The following PLEKHG7 variants were observed in gnomAD, a reference collection of about 807,000 sequenced individuals.
PLEKHG7 encodes pleckstrin homology and RhoGEF domain containing G7, also known as pleckstrin homology domain-containing family G member 7.
In PLEKHG7, 77 loss-of-function variants were observed where a neutral mutation model predicts 85.2. The observed-to-expected ratio is 0.90, with a 90% CI of 0.75 to 1.09. The LOEUF (loss-of-function observed/expected upper bound fraction) is 1.09, where lower values mean the gene tolerates loss of function less well. Among genes scored for constraint, PLEKHG7 ranks in the 50% least tolerant of loss-of-function variants. PLEKHG7 has a pLI of 0.00. For missense variants in PLEKHG7, 777 were observed against 804.3 expected, an observed-to-expected ratio of 0.97 and a Z score of 0.41; for synonymous variants, 301 against 302.4, an observed-to-expected ratio of 1.00 and a Z score of 0.05.
rs749039854 is a variant in PLEKHG7 at position 92,770,221 on chromosome 12, T to C, written c.*26T>C. 1.4e-6 allele frequency: 2 copies of C among 1,464,280 alleles called. No homozygotes were observed. Among genetic ancestry groups the C allele is most frequent in the Non-Finnish European group, 1.9e-6 (2 of 1,054,714 alleles). The allele number at this position is 1,464,280 out of a possible 1,614,324, so 90.7% of individuals were successfully genotyped here. A position where few individuals can be genotyped will look rare whatever the true frequency, so the allele number is the denominator to read the frequency against. ...GGACCTAAAACAAGTGGCATGTCTT[T>C]TTAGAAGATTATGGTTTAAGGTATA... is the stretch of plus-strand genomic sequence containing the variant. On this transcript the variant is annotated 3_prime_UTR_variant, in exon 17 of 17. Transcript: ENST00000344636.
chr12:92,762,671 G>A (rs568101920), intron 14 of PLEKHG7, among the ~76,000 whole-genome samples: 16 of 152,276 alleles, frequency 1.1e-4, no homozygotes, highest in African/African-American at 3.9e-4. Flanking sequence ...TGCTCTAAGA[G>A]GTGGGAAGAG....
chr12:92,724,673 G>A (rs926485715), intron 3 of PLEKHG7, among the ~76,000 whole-genome samples: 20 of 152,178 alleles, frequency 1.3e-4, no homozygotes, highest in Non-Finnish European at 2.1e-4. Flanking sequence ...GATCTATTCC[G>A]AACAGCAAGA....
rs1006709135 is a variant in PLEKHG7 at position 92,769,029 on chromosome 12, T to C, written c.1917T>C (p.Tyr639=). 1.8e-5 allele frequency: 29 copies of C among 1,604,816 alleles called. No homozygotes were observed. Among genetic ancestry groups the C allele is most frequent in the Non-Finnish European group, 2.4e-5 (28 of 1,173,176 alleles). Residue 639 remains tyrosine (Y), a synonymous_variant, in exon 16 of 17, where the codon TAT becomes TAC. Coordinates refer to ENST00000344636, the MANE Select transcript of PLEKHG7 (RefSeq NM_001377329.1). ...TTCTTATACAACACGAAAACAGATATCGACAGTGTATAGCAGCATTCTTAT... is the reference window on the plus strand; with the variant it reads ...TTCTTATACAACACGAAAACAGATACCGACAGTGTATAGCAGCATTCTTAT... ...NAFLIQHENR[Y]RQCIAAFLLQ...
chr12:92,732,614 G>A (rs1291927508), intron 5 of PLEKHG7, among the ~76,000 whole-genome samples: 1 of 152,214 alleles, frequency 6.6e-6, no homozygotes, highest in Non-Finnish European at 1.5e-5. Flanking sequence ...GTATGCCCCA[G>A]TTTGCAGTTA....
chr12:92,754,997 A>T (rs1311260420), intron 11 of PLEKHG7, among the ~76,000 whole-genome samples: 1 of 152,192 alleles, frequency 6.6e-6, no homozygotes, highest in Non-Finnish European at 1.5e-5. Context: ...CTGTTTTTAA[A>T]TTTTTTATTC....
At position 92,729,419 on chromosome 12, in the gene PLEKHG7, C is replaced by A. The variant is rs981117202; in HGVS notation, c.658+299C>A. On this transcript the variant is annotated intron_variant, in intron 4 of 16. Transcript: ENST00000344636. ...CAAGACCTGAGACAGGTGCAGCATC[C>A]TAGATCAGAGTGCCCTCTCTAGGCT... Among the ~76,000 whole-genome samples, 10 of 148,884 alleles carry A rather than the reference C, an allele frequency of 6.7e-5. 1 individual carries two copies. Among genetic ancestry groups the A allele is most frequent in the Non-Finnish European group, 1.5e-4 (10 of 67,404 alleles).
intron 11 of PLEKHG7, 124 bp from the exon 12 acceptor site, chr12:92,755,701 T>C (rs1010943840): frequency 2.8e-6 from 2 of 717,100 alleles, no homozygotes. Flanking sequence ...TGAAATGAAC[T>C]TTATATATTG....
chr12:92,737,403 A>C lies in PLEKHG7; in HGVS notation c.821A>C (p.Glu274Ala). Residue 274 changes from glutamate to alanine, a missense_variant, in exon 7 of 17, where the codon GAA becomes GCA. Transcript: ENST00000344636. ...LKDKTWDEVL[E>A]THHKLPTDQL... ...GATAAGACCTGGGATGAAGTCTTGG[A>C]AACACATCACAAACTCCCGACCGAT... The C allele has an allele frequency of 6.5e-7, 1 of 1,542,714 alleles. No homozygotes were observed. Among genetic ancestry groups the C allele is most frequent in the Non-Finnish European group, 8.7e-7 (1 of 1,154,302 alleles).
chr12:92,737,278 G>T, intron 6 of PLEKHG7, 100 bp from the exon 7 acceptor site: 3 of 1,046,200 alleles, frequency 2.9e-6, no homozygotes, highest in Non-Finnish European at 3.7e-6. Context: ...TGATTTCGGG[G>T]GTTGCTTGGT....
chr12:92,741,024 G>A, intron 8 of PLEKHG7, 76 bp downstream of exon 8: 1 of 1,044,628 alleles, frequency 9.6e-7, no homozygotes, highest in Non-Finnish European at 1.5e-6. Flanking sequence ...CTGTTCTTAT[G>A]GCTTGTATGC....
chr12:92,716,227 G>C (rs1871489846), intron 3 of PLEKHG7, among the ~76,000 whole-genome samples: 1 of 152,040 alleles, frequency 6.6e-6, no homozygotes, highest in Non-Finnish European at 1.5e-5. Flanking sequence ...CTCCCGAGTA[G>C]GTGGGATTAC....
chr12:92,708,205 G>A (rs1871295288), intron 3 of PLEKHG7: 1 of 152,574 alleles, frequency 6.6e-6, no homozygotes, highest in African/African-American at 2.4e-5. Flanking sequence ...ATCTCTGACA[G>A]GGATGAAGAG....
intron 14 of PLEKHG7, among the ~76,000 whole-genome samples, chr12:92,763,376 C>A (rs1428688913): frequency 6.6e-6 from 1 of 152,120 alleles, no homozygotes; most frequent in Non-Finnish European, 1.5e-5. Context: ...AAGTGAGGCC[C>A]CCTTTCTCAT....
chr12:92,714,102 G>A (rs192695015), intron 3 of PLEKHG7, among the ~76,000 whole-genome samples: 188 of 152,270 alleles, frequency 1.2e-3, no homozygotes, highest in African/African-American at 4.1e-3. Flanking sequence ...GGTGCCTGCC[G>A]GGACTTTAGT....
At chr12:92,714,095 G>A (rs1471899151) in intron 3 of PLEKHG7, among the ~76,000 whole-genome samples, 2 of 152,194 alleles carry the variant, frequency 1.3e-5, no homozygotes, top group Non-Finnish European at 2.9e-5. Flanking sequence ...ACCTCTAGGT[G>A]CCTGCCGGGA....
At chr12:92,720,587 A>T (rs1347896257) in intron 3 of PLEKHG7, among the ~76,000 whole-genome samples, 1 of 152,076 alleles carries the variant, frequency 6.6e-6, no homozygotes, top group East Asian at 1.9e-4. Context: ...TGGTCTCCCG[A>T]AGTACTGGGA....
rs1388740540 is a variant in PLEKHG7 at position 92,737,436 on chromosome 12, A to G, written c.854A>G (p.Asp285Gly). The G allele has an allele frequency of 7.6e-6, 12 of 1,583,692 alleles. No individual in the cohort carries two copies. The highest frequency in any genetic ancestry group is 9.4e-6 in the Non-Finnish European group (11 of 1,171,500). Reference sequence around the variant, plus strand: ...CACAAACTCCCGACCGATCAATTAGACCTGAAAAAGCAGCAAGAGGCCGTG... The same window carrying G: ...CACAAACTCCCGACCGATCAATTAGGCCTGAAAAAGCAGCAAGAGGCCGTG... ...THHKLPTDQLDLKKQQEAVWE... is the reference protein window; with the variant it reads ...THHKLPTDQLGLKKQQEAVWE... Residue 285 changes from aspartate to glycine, a missense_variant, in exon 7 of 17, where the codon GAC becomes GGC. By Grantham distance (94) the Asp-to-Gly change is moderately conservative (BLOSUM62 -1). Coordinates refer to ENST00000344636, the MANE Select transcript of PLEKHG7 (RefSeq NM_001377329.1).
chr12:92,705,955 A>T (rs1018951637), intron 1 of PLEKHG7, among the ~76,000 whole-genome samples: 1 of 152,208 alleles, frequency 6.6e-6, no homozygotes, highest in Non-Finnish European at 1.5e-5. Flanking sequence ...AAATGTAAAG[A>T]TTGATAGAAT....
At chr12:92,749,454 A>C (rs1016924069) in intron 10 of PLEKHG7, 1 of 152,036 alleles carries the variant, frequency 6.6e-6, no homozygotes, top group African/African-American at 2.4e-5. Flanking sequence ...ACCACACCTG[A>C]CTAATTTTCT....
Sources: allele counts gnomAD v4.1 joint callset (sites outside exome capture counted in the v4.1 genomes callset), GRCh38; gene constraint gnomAD v4.1.1; transcripts MANE v1.5; gene names NCBI Gene and HGNC (gene_info 2026-07-23, HGNC 2026-07-21).